The following RBFOX1 variants were observed in gnomAD, a reference collection of about 807,000 sequenced individuals.
The protein encoded by RBFOX1 is RNA binding protein fox-1 homolog 1.
In RBFOX1, 8 loss-of-function variants were observed where a neutral mutation model predicts 57.7. That is an observed-to-expected ratio of 0.14 (90% CI 0.08 to 0.25). The LOEUF (loss-of-function observed/expected upper bound fraction) is 0.25. Ranked by LOEUF, RBFOX1 falls within the 10% of genes least tolerant of loss-of-function variation. The pLI, the probability that RBFOX1 is intolerant of heterozygous loss-of-function variation, is 1.00. For missense variants in RBFOX1, 611 were observed against 548.5 expected (o/e 1.11, Z -1.14); for synonymous variants, 326 against 222.4 (o/e 1.47, Z -4.15).
At chr16:5,495,000 A>G (rs1218238920) in intron 2 of RBFOX1, among the ~76,000 whole-genome samples, 5 of 152,172 alleles carry the variant, frequency 3.3e-5, no homozygotes, top group Admixed American at 6.5e-5. Context: ...TTACGTGACT[A>G]GTGTATTAGT....
At chr16:6,676,959 AG>A (rs1196874982) in intron 3 of RBFOX1, among the ~76,000 whole-genome samples, 1 of 152,006 alleles carries the variant, frequency 6.6e-6, no homozygotes, top group African/African-American at 2.4e-5. Context: ...TACAGGCATG[AG>A]CCACCATGCC....
intron 4 of RBFOX1, among the ~76,000 whole-genome samples, chr16:7,298,144 A>C (rs2095939749): frequency 6.6e-6 from 1 of 152,118 alleles, no homozygotes; most frequent in Admixed American, 6.6e-5. Flanking sequence ...TAACTGGTGC[A>C]TTGCATGCAT....
At position 6,850,184 on chromosome 16, in the gene RBFOX1, G is replaced by A. The variant is rs8060002; in HGVS notation, c.-16+195534G>A. Among the ~76,000 whole-genome samples, 14 of 152,204 alleles carry A rather than the reference G, an allele frequency of 9.2e-5. No homozygotes were observed. In the South Asian group the frequency reaches 2.7e-3, roughly 29 times the overall value. On this transcript the variant is annotated intron_variant, in intron 3 of 15. Transcript: ENST00000550418. ...CCTTTATCATTTAGTCCTTCATTCAGTGAATTCAGTTGTTCCTCAAATGAA... is the reference window on the plus strand; with the variant it reads ...CCTTTATCATTTAGTCCTTCATTCAATGAATTCAGTTGTTCCTCAAATGAA...
In RBFOX1 at chr16:6,654,160, G is replaced by A. The variant is rs956244739; in HGVS notation, c.-63-443G>A. 6.8e-5 allele frequency among the ~76,000 whole-genome samples: 10 copies of A among 147,518 alleles called. No homozygotes were observed. In the South Asian group the frequency reaches 1.9e-3, roughly 28 times the overall value. On this transcript the variant is annotated intron_variant, in intron 2 of 15. Coordinates refer to ENST00000550418, the MANE Select transcript of RBFOX1 (RefSeq NM_018723.4). ...ATGAATGAATGGAGAGGAGATGAAT[G>A]GATGGATGGTTGGATGGTTGGAAGG...
rs141123041 is a variant in RBFOX1 at position 6,799,135 on chromosome 16, C to T, written c.-16+144485C>T. 6.3e-3 allele frequency among the ~76,000 whole-genome samples: 954 copies of T among 152,086 alleles called. 15 individuals carry two copies. Among genetic ancestry groups the T allele is most frequent in the African/African-American group, 0.021 (868 of 41,468 alleles). ...GCAGGTGAATCCCAGAACTGGGGCT[C>T]AGCTTCGAAGAGTTCTTAGCTTTGC... On this transcript the variant is annotated intron_variant, in intron 3 of 15. Transcript: ENST00000550418.
At chr16:7,160,832 C>T (rs181452027) in intron 4 of RBFOX1, among the ~76,000 whole-genome samples, 12,717 of 140,518 alleles carry the variant, frequency 0.091, 586 homozygotes, top group Middle Eastern at 0.18. Flanking sequence ...CTCCTCCCTC[C>T]TCCTTCCTCC....
intron 4 of RBFOX1, among the ~76,000 whole-genome samples, chr16:7,426,228 C>T (rs997241187): frequency 1.3e-5 from 2 of 152,158 alleles, no homozygotes; most frequent in African/African-American, 4.8e-5. Context: ...CATGATTGCT[C>T]TACAAATTGA....
chr16:6,991,835 C>T (rs763630469), intron 3 of RBFOX1, among the ~76,000 whole-genome samples: 1 of 152,144 alleles, frequency 6.6e-6, no homozygotes, highest in African/African-American at 2.4e-5. Context: ...CCACCAGGCC[C>T]AGCCCACTTC....
rs894003150 is a variant in RBFOX1, at chr16:6,829,263, G to T, written c.-16+174613G>T. On this transcript the variant is annotated intron_variant, in intron 3 of 15. Coordinates refer to ENST00000550418, the MANE Select transcript of RBFOX1 (RefSeq NM_018723.4). ...TGCAGTCAGAAAAAAAAAAAAAATAGCATAAAAGGAGAAATCTGAGAAGTT... is the reference window on the plus strand; with the variant it reads ...TGCAGTCAGAAAAAAAAAAAAAATATCATAAAAGGAGAAATCTGAGAAGTT... Among the ~76,000 whole-genome samples the T allele has an allele frequency of 8.7e-5, 13 of 149,666 alleles. No homozygotes were observed. The South Asian group carries it at 2.7e-3, about 31-fold the overall frequency.
chr16:5,469,288 G>A (rs933124121), intron 2 of RBFOX1, among the ~76,000 whole-genome samples: 2 of 152,182 alleles, frequency 1.3e-5, no homozygotes, highest in Admixed American at 6.5e-5. Flanking sequence ...CACCCCCCAT[G>A]TAGACAAGTC....
At chr16:5,467,970 C>A (rs1471069178) in intron 2 of RBFOX1, among the ~76,000 whole-genome samples, 1 of 151,908 alleles carries the variant, frequency 6.6e-6, no homozygotes, top group Admixed American at 6.6e-5. Flanking sequence ...CATGGCTGGC[C>A]CTTGAGTGGA....
chr16:5,981,223 A>AG (rs2060166627), intron 4 of RBFOX1, among the ~76,000 whole-genome samples: 1 of 152,228 alleles, frequency 6.6e-6, no homozygotes, highest in African/African-American at 2.4e-5. Flanking sequence ...AGCAATGTGA[A>AG]GGGTCAACAG....
chr16:6,898,059 C>T (rs2067403297), intron 3 of RBFOX1, among the ~76,000 whole-genome samples: 1 of 152,158 alleles, frequency 6.6e-6, no homozygotes, highest in African/African-American at 2.4e-5. Context: ...TTATATAATG[C>T]CTGATACTTG....
chr16:7,508,101 C>T (rs1203888916), intron 4 of RBFOX1, among the ~76,000 whole-genome samples: 2 of 152,050 alleles, frequency 1.3e-5, no homozygotes, highest in African/African-American at 4.8e-5. Flanking sequence ...ATTCTCGTGC[C>T]TCAGCCTCCA....
intron 2 of RBFOX1, among the ~76,000 whole-genome samples, chr16:6,485,513 A>G (rs2095458617): frequency 6.6e-6 from 1 of 151,508 alleles, no homozygotes; most frequent in Non-Finnish European, 1.5e-5. Flanking sequence ...TATGTTTTGC[A>G]CGCTGGAGGA....
chr16:6,314,172 G>A (rs191446427), intron 1 of RBFOX1, among the ~76,000 whole-genome samples: 60 of 152,256 alleles, frequency 3.9e-4, no homozygotes, highest in African/African-American at 1.4e-3. Flanking sequence ...TGGAATGAAG[G>A]TCAATGTCCT....
intron 3 of RBFOX1, among the ~76,000 whole-genome samples, chr16:6,789,015 C>G (rs1057068042): frequency 3.3e-5 from 5 of 152,012 alleles, no homozygotes; most frequent in African/African-American, 1.2e-4. Context: ...CTGGATGGAC[C>G]CAGTCTGAAG....
At chr16:5,398,567 C>T (rs957732347) in intron 1 of RBFOX1, among the ~76,000 whole-genome samples, 2 of 148,800 alleles carry the variant, frequency 1.3e-5, no homozygotes, top group Admixed American at 1.3e-4. Context: ...TGCATCTGTA[C>T]GTGTGTGTGT....
chr16:6,872,339 C>T (rs78061648), intron 3 of RBFOX1, among the ~76,000 whole-genome samples: 56 of 152,274 alleles, frequency 3.7e-4, no homozygotes, highest in African/African-American at 1.2e-3. Context: ...CCTCCCTTCT[C>T]TCTGTTTCTC....
Sources: allele counts gnomAD v4.1 joint callset (sites outside exome capture counted in the v4.1 genomes callset), GRCh38; gene constraint gnomAD v4.1.1; transcripts MANE v1.5; gene names NCBI Gene and HGNC (gene_info 2026-07-23, HGNC 2026-07-21).